KIAA2012: variants seen among roughly 807,000 people sequenced by gnomAD.
KIAA2012 encodes uncharacterized protein KIAA2012.
KIAA2012 carries 125 observed loss-of-function variants against 150.6 expected under a neutral mutation model. The observed-to-expected ratio is 0.83, with a 90% CI of 0.72 to 0.96. The LOEUF (loss-of-function observed/expected upper bound fraction) is 0.96. KIAA2012 is among the 40% of genes least tolerant of loss of function. The pLI, the probability that KIAA2012 is intolerant of heterozygous loss-of-function variation, is 0.00. For missense variants in KIAA2012, 1,219 were observed against 1,354.9 expected, an observed-to-expected ratio of 0.90 and a Z score of 1.57; for synonymous variants, 462 against 504.7, an observed-to-expected ratio of 0.92 and a Z score of 1.13.
Position 202,187,102 on chromosome 2 carries a change from AG to A in KIAA2012, c.2376+5del, listed in dbSNP as rs1692244237. On this transcript the variant is annotated splice_donor_5th_base_variant and intron_variant, in intron 17 of 23. Coordinates refer to ENST00000498697, the MANE Select transcript of KIAA2012 (RefSeq NM_001277372.4). ...GACATCAGCCAACATCAGTCATGTG[AG>A]TGTAAACCCCTAAAAGCTTGGTCCA... 6.5e-7 allele frequency: 1 copy of A among 1,550,272 alleles called. No homozygotes were observed. Among genetic ancestry groups the A allele is most frequent in the Non-Finnish European group, 8.7e-7 (1 of 1,146,838 alleles).
chr2:202,120,408 A>G (rs559483037), intron 11 of KIAA2012, among the ~76,000 whole-genome samples: 2 of 152,302 alleles, frequency 1.3e-5, no homozygotes, highest in Admixed American at 1.3e-4. Flanking sequence ...GATTTTATGG[A>G]TAAGGAAACT....
intron 11 of KIAA2012, 192 bp downstream of exon 11, chr2:202,113,638 G>A: frequency 1.8e-6 from 1 of 565,490 alleles, no homozygotes; most frequent in Non-Finnish European, 3.2e-6. Flanking sequence ...TGCATAACAA[G>A]TTTACTCTTG....
chr2:202,183,476 A>AT (rs71406950), intron 15 of KIAA2012, among the ~76,000 whole-genome samples: 31,612 of 95,792 alleles, frequency 0.33, 5,757 homozygotes, highest in East Asian at 0.52. Context: ...GGTTTTTTAA[A>AT]TTTTTTTTTT....
rs1028910217 is a variant in KIAA2012 at position 202,155,004 on chromosome 2, G to A, written c.2046+194G>A. Among the ~76,000 whole-genome samples, 3 of 152,154 alleles carry A rather than the reference G, an allele frequency of 2.0e-5. No homozygotes were observed. The South Asian group carries it at 6.2e-4, about 32-fold the overall frequency. ...AGGACAGTAATCACAGCCAGCCATC[G>A]GGGACAAATCAGTCGGGTGTCTGGT... On this transcript the variant is annotated intron_variant, in intron 14 of 23. Transcript: ENST00000498697.
At chr2:202,098,341 C>A (rs1381589432) in intron 5 of KIAA2012, among the ~76,000 whole-genome samples, 1 of 152,172 alleles carries the variant, frequency 6.6e-6, no homozygotes, top group African/African-American at 2.4e-5. Flanking sequence ...GCCTGGGCAA[C>A]AGAGTGAAAC....
In KIAA2012 at chr2:202,103,130, A is replaced by C; in HGVS notation, c.1324+16A>C. On this transcript the variant is annotated intron_variant, in intron 8 of 23. Transcript: ENST00000498697. ...CACAGAAGAGGTAGGTCCCGGGTGC[A>C]TGGGCACTCCTGAGGGAGAGCCTGG... 6.5e-7 allele frequency: 1 copy of C among 1,549,626 alleles called. No homozygotes were observed. Among genetic ancestry groups the C allele is most frequent in the African/African-American group, 1.4e-5 (1 of 73,096 alleles).
intron 11 of KIAA2012, among the ~76,000 whole-genome samples, chr2:202,119,343 A>G (rs192644556): frequency 1.3e-5 from 2 of 152,280 alleles, no homozygotes; most frequent in Non-Finnish European, 2.9e-5. Flanking sequence ...AAAAATCAAT[A>G]CAAAGTACTG....
intron 15 of KIAA2012, among the ~76,000 whole-genome samples, chr2:202,167,767 C>T (rs574335338): frequency 6.6e-6 from 1 of 151,822 alleles, no homozygotes; most frequent in South Asian, 2.1e-4. Flanking sequence ...TCCCTAGAGC[C>T]CAGGAGTTCA....
chr2:202,092,792 A>T (rs1689758817), intron 3 of KIAA2012, among the ~76,000 whole-genome samples: 1 of 152,104 alleles, frequency 6.6e-6, no homozygotes, highest in Non-Finnish European at 1.5e-5. Flanking sequence ...GTTCTTGGGA[A>T]TGATGGGGTG....
intron 11 of KIAA2012, among the ~76,000 whole-genome samples, chr2:202,118,242 C>T (rs1452538628): frequency 5.3e-5 from 8 of 152,016 alleles, no homozygotes; most frequent in Non-Finnish European, 1.0e-4. Context: ...TTTTCATAAC[C>T]CTCATGAGAA....
At chr2:202,159,086 C>T (rs950036253) in intron 14 of KIAA2012, among the ~76,000 whole-genome samples, 1 of 152,182 alleles carries the variant, frequency 6.6e-6, no homozygotes, top group African/African-American at 2.4e-5. Context: ...CAGTCCCAAG[C>T]ATTACGTATG....
chr2:202,135,458 T>G (rs1020111881), intron 12 of KIAA2012, among the ~76,000 whole-genome samples: 8 of 152,222 alleles, frequency 5.3e-5, no homozygotes, highest in Non-Finnish European at 1.2e-4. Context: ...CGCATCGTTC[T>G]GAAAGGAGGT....
At chr2:202,189,662 C>T (rs369940088) in intron 18 of KIAA2012, among the ~76,000 whole-genome samples, 3 of 152,166 alleles carry the variant, frequency 2.0e-5, no homozygotes, top group African/African-American at 7.2e-5. Context: ...GTTTCTCAAA[C>T]GGTGGTGTGT....
intron 15 of KIAA2012, among the ~76,000 whole-genome samples, chr2:202,165,658 T>C (rs566588232): frequency 1.3e-5 from 2 of 152,140 alleles, no homozygotes; most frequent in African/African-American, 4.8e-5. Context: ...GAGGCAGAGG[T>C]TGCGGTGAGC....
At chr2:202,180,281 A>AT (rs1447480009) in intron 15 of KIAA2012, among the ~76,000 whole-genome samples, 1 of 152,132 alleles carries the variant, frequency 6.6e-6, no homozygotes, top group Non-Finnish European at 1.5e-5. Flanking sequence ...AAAAAAAAAA[A>AT]AAAAAAAGAA....
At chr2:202,099,089 G>GCAA (rs1689975864) in intron 5 of KIAA2012, among the ~76,000 whole-genome samples, 1 of 152,084 alleles carries the variant, frequency 6.6e-6, no homozygotes, top group Non-Finnish European at 1.5e-5. Context: ...CTGGGCTCAA[G>GCAA]CAATCCTCCT....
chr2:202,171,310 C>A (rs1691885668), intron 15 of KIAA2012, among the ~76,000 whole-genome samples: 1 of 152,124 alleles, frequency 6.6e-6, no homozygotes, highest in Non-Finnish European at 1.5e-5. Flanking sequence ...GGGAGGGAGG[C>A]CAAAGTGGTC....
At chr2:202,099,992 A>G (rs1244409223) in intron 6 of KIAA2012, among the ~76,000 whole-genome samples, 196 bp downstream of exon 6, 1 of 152,188 alleles carries the variant, frequency 6.6e-6, no homozygotes, top group Non-Finnish European at 1.5e-5. Flanking sequence ...ATGCATTCGG[A>G]AATCATACTG....
chr2:202,138,565 G>A, intron 13 of KIAA2012, 57 bp downstream of exon 13: 1 of 1,348,196 alleles, frequency 7.4e-7, no homozygotes. Context: ...TTGGGTTCTT[G>A]TTTCAGCTTG....
Sources: gnomAD v4.1 joint callset for allele counts (sites outside exome capture counted in the v4.1 genomes callset) on GRCh38, gnomAD v4.1.1 for gene constraint, MANE v1.5 for transcripts, NCBI Gene and HGNC (gene_info 2026-07-23, HGNC 2026-07-21) for gene names.